Variants in LRFN2 observed in about 807,000 individuals in gnomAD.
The protein encoded by LRFN2 is leucine rich repeat and fibronectin type III domain containing 2, also known as leucine-rich repeat and fibronectin type-III domain-containing protein 2.
LRFN2 carries 18 observed loss-of-function variants against 37.3 expected under a neutral mutation model. That is an observed-to-expected ratio of 0.48 (90% CI 0.33 to 0.72). LRFN2 has a LOEUF of 0.72. Ranked by LOEUF, LRFN2 falls within the 30% of genes least tolerant of loss-of-function variation. The pLI, the probability that LRFN2 is intolerant of heterozygous loss-of-function variation, is 0.02. For missense variants in LRFN2, 1,006 were observed against 1,060.7 expected (o/e 0.95, Z 0.72); for synonymous variants, 556 against 466.6 (o/e 1.19, Z -2.47).
rs572226217 is a variant in LRFN2, at chr6:40,444,870, C to T, written c.-18-11739G>A. 7.9e-5 allele frequency among the ~76,000 whole-genome samples: 12 copies of T among 151,828 alleles called. No homozygotes were observed. The South Asian group carries it at 2.3e-3, about 29-fold the overall frequency. On this transcript the variant is annotated intron_variant, in intron 1 of 2. Transcript: ENST00000338305. ...TTTCCTGCTTTGCAATTTTTTGCTT[C>T]TCCATTTCCTCCTGCCTCTGTCTTC...
chr6:40,435,044 TATATATATAGAGAGAGAGAG>T (rs1445239096), intron 1 of LRFN2, among the ~76,000 whole-genome samples: 69 of 88,626 alleles, frequency 7.8e-4, no homozygotes, highest in African/African-American at 2.7e-3. Flanking sequence ...TATATATATA[TATATATATAGAGAGAGAGAG>T]AGAGAGAGAG....
intron 1 of LRFN2, among the ~76,000 whole-genome samples, chr6:40,456,562 G>T (rs144990258): frequency 2.0e-5 from 3 of 152,244 alleles, no homozygotes; most frequent in African/African-American, 7.2e-5. Flanking sequence ...CTGCTGCTGC[G>T]TGGCAATGCC....
intron 1 of LRFN2, among the ~76,000 whole-genome samples, chr6:40,570,900 T>C (rs920274210): frequency 1.3e-5 from 2 of 152,234 alleles, no homozygotes; most frequent in African/African-American, 4.8e-5. Context: ...ACAGGGCCAG[T>C]GCCTGGCAGG....
chr6:40,502,278 C>T (rs1765402118), intron 1 of LRFN2: 1 of 152,170 alleles, frequency 6.6e-6, no homozygotes, highest in Non-Finnish European at 1.5e-5. Context: ...GATGTGTGCG[C>T]CCAGCCGGCA....
intron 2 of LRFN2, among the ~76,000 whole-genome samples, chr6:40,411,281 G>C (rs1384337624): frequency 2.0e-5 from 3 of 152,206 alleles, no homozygotes; most frequent in Admixed American, 2.0e-4. Context: ...GGTACATGCA[G>C]GTGCAGTGGA....
At chr6:40,530,548 T>C (rs930812944) in intron 1 of LRFN2, among the ~76,000 whole-genome samples, 2 of 152,136 alleles carry the variant, frequency 1.3e-5, no homozygotes, top group African/African-American at 4.8e-5. Context: ...CTGTTCTTCC[T>C]GAGTTTGTCC....
At chr6:40,475,078 ATATGTGCAGGAGGAGCCTCCAGGGGT>A (rs2113859709) in intron 1 of LRFN2, among the ~76,000 whole-genome samples, 1 of 152,222 alleles carries the variant, frequency 6.6e-6, no homozygotes, top group Admixed American at 6.5e-5. Context: ...AGTGCACCCC[ATATGTGCAGGAGGAGCCTCCAGGGGT>A]CAGTATGGCC....
rs1763557602 is a variant in LRFN2 at position 40,433,159 on chromosome 6, T to G, written c.-18-28A>C. 2.0e-6 allele frequency: 3 copies of G among 1,505,728 alleles called. No individual in the cohort carries two copies. In the South Asian group the frequency reaches 4.1e-5, roughly 21 times the overall value. 93.3% of individuals were successfully genotyped at this position (1,505,728 alleles called of 1,614,324 possible). ...GGAAGGGAGAAACACAAGCTCAGGG[T>G]CAGGAGGCAAATTCCTAATGCACTC... On this transcript the variant is annotated intron_variant, in intron 1 of 2. Transcript: ENST00000338305.
intron 2 of LRFN2, among the ~76,000 whole-genome samples, chr6:40,430,032 C>G (rs1345881051): frequency 4.6e-5 from 7 of 152,142 alleles, no homozygotes; most frequent in African/African-American, 1.7e-4. Context: ...TCTCTACTTT[C>G]CAAATTTTCA....
intron 2 of LRFN2, among the ~76,000 whole-genome samples, chr6:40,398,491 A>C (rs1158829137): frequency 6.6e-6 from 1 of 151,768 alleles, no homozygotes; most frequent in Non-Finnish European, 1.5e-5. Context: ...TCCAGAGTGC[A>C]GGGCAAGGCG....
intron 1 of LRFN2, among the ~76,000 whole-genome samples, chr6:40,506,290 C>T (rs529950271): frequency 2.6e-5 from 4 of 152,298 alleles, no homozygotes; most frequent in African/African-American, 4.8e-5. Flanking sequence ...AAAAACCATC[C>T]GGGTGGATTT....
intron 1 of LRFN2, among the ~76,000 whole-genome samples, chr6:40,458,709 C>T (rs927693058): frequency 4.6e-5 from 7 of 152,184 alleles, no homozygotes; most frequent in South Asian, 2.1e-4. Context: ...CAGTGATGAA[C>T]GCAACTTCTT....
At chr6:40,424,373 C>T (rs1447183328) in intron 2 of LRFN2, among the ~76,000 whole-genome samples, 1 of 152,188 alleles carries the variant, frequency 6.6e-6, no homozygotes, top group Non-Finnish European at 1.5e-5. Context: ...AATAAAAAGT[C>T]TTTGGGGCCT....
rs192159396 is a variant in LRFN2, at chr6:40,429,218, T to C, written c.1400+2496A>G. Among the ~76,000 whole-genome samples the C allele has an allele frequency of 3.3e-3, 504 of 152,318 alleles. 2 individuals carry two copies. Among genetic ancestry groups the C allele is most frequent in the African/African-American group, 0.012 (489 of 41,572 alleles). On this transcript the variant is annotated intron_variant, in intron 2 of 2. Coordinates refer to ENST00000338305, the MANE Select transcript of LRFN2 (RefSeq NM_020737.3). ...TTCTCAATCATCAAATAAAAGTAAT[T>C]TGAATTCCCACCTGAGTGATTACAG...
At chr6:40,441,486 C>T (rs1001969838) in intron 1 of LRFN2, among the ~76,000 whole-genome samples, 1 of 152,062 alleles carries the variant, frequency 6.6e-6, no homozygotes. Flanking sequence ...CCAGTGGGGG[C>T]CTGGATGTGA....
At chr6:40,438,602 C>T (rs1236729453) in intron 1 of LRFN2, among the ~76,000 whole-genome samples, 1 of 152,194 alleles carries the variant, frequency 6.6e-6, no homozygotes, top group Non-Finnish European at 1.5e-5. Context: ...GTAAAGGAGG[C>T]CCCTCTGGAG....
chr6:40,498,722 GA>G (rs1470984757), intron 1 of LRFN2, among the ~76,000 whole-genome samples: 1 of 152,184 alleles, frequency 6.6e-6, no homozygotes, highest in Non-Finnish European at 1.5e-5. Flanking sequence ...GCATGGCAGT[GA>G]ATGAAGCCAA....
At chr6:40,498,074 AG>A in intron 1 of LRFN2, among the ~76,000 whole-genome samples, 1 of 152,266 alleles carries the variant, frequency 6.6e-6, no homozygotes. Flanking sequence ...CAAGAAGACA[AG>A]GTCTCGGCTG....
intron 2 of LRFN2, among the ~76,000 whole-genome samples, chr6:40,409,584 T>G (rs979356996): frequency 6.6e-6 from 1 of 152,174 alleles, no homozygotes; most frequent in African/African-American, 2.4e-5. Context: ...ACAAGGGATT[T>G]TGCTTCTCTG....
Sources: allele counts gnomAD v4.1 joint callset (sites outside exome capture counted in the v4.1 genomes callset), GRCh38; gene constraint gnomAD v4.1.1; transcripts MANE v1.5; gene names NCBI Gene and HGNC (gene_info 2026-07-23, HGNC 2026-07-21).